The following SERGEF variants were observed in gnomAD, a reference collection of about 807,000 sequenced individuals.
The protein encoded by SERGEF is secretion regulating guanine nucleotide exchange factor.
In SERGEF, 51 loss-of-function variants were observed where a neutral mutation model predicts 50.0. That is an observed-to-expected ratio of 1.02 (90% CI 0.81 to 1.29). SERGEF has a LOEUF of 1.29. Among genes scored for constraint, SERGEF ranks in the 50% most tolerant of loss-of-function variants. SERGEF has a pLI of 0.00. For synonymous variants in SERGEF, 205 were observed against 212.4 expected (o/e 0.97, Z 0.30); for missense variants, 521 against 557.0 (o/e 0.94, Z 0.65).
chr11:17,792,738 A>G (rs1202964205), intron 10 of SERGEF, among the ~76,000 whole-genome samples: 2 of 152,226 alleles, frequency 1.3e-5, no homozygotes, highest in African/African-American at 4.8e-5. Context: ...TTTAGAGAGA[A>G]TAAAACAGAG....
chr11:17,936,861 T>C (rs1305273332), intron 9 of SERGEF, among the ~76,000 whole-genome samples: 1 of 152,230 alleles, frequency 6.6e-6, no homozygotes, highest in African/African-American at 2.4e-5. Context: ...TAATAATTCT[T>C]GCCATCCTAA....
At position 17,916,337 on chromosome 11, in the gene SERGEF, A is replaced by G. The variant is rs77133164; in HGVS notation, c.1012-38093T>C. 4.4e-3 allele frequency among the ~76,000 whole-genome samples: 667 copies of G among 152,322 alleles called. 9 individuals are homozygous for G. Among genetic ancestry groups the G allele is most frequent in the East Asian group, 0.041 (212 of 5,176 alleles). Reference sequence around the variant, plus strand: ...GAAAATTTGGCTGAGTGCAGCTTTCAGTGTCAAATTTATTATCATTATTAT... The same window carrying G: ...GAAAATTTGGCTGAGTGCAGCTTTCGGTGTCAAATTTATTATCATTATTAT... On this transcript the variant is annotated intron_variant, in intron 9 of 10. Coordinates refer to ENST00000265965, the MANE Select transcript of SERGEF (RefSeq NM_012139.4).
At chr11:17,973,191 T>C (rs1328447774) in intron 8 of SERGEF, among the ~76,000 whole-genome samples, 1 of 152,110 alleles carries the variant, frequency 6.6e-6, no homozygotes, top group East Asian at 1.9e-4. Context: ...AGGAGCTGCT[T>C]GAGTTCCCTT....
At chr11:17,946,797 G>A (rs570916611) in intron 9 of SERGEF, among the ~76,000 whole-genome samples, 6 of 152,122 alleles carry the variant, frequency 3.9e-5, no homozygotes, top group Non-Finnish European at 8.8e-5. Flanking sequence ...TGAGACTACT[G>A]GAGGAGTCAG....
intron 9 of SERGEF, among the ~76,000 whole-genome samples, chr11:17,952,564 ATC>A (rs1407930967): frequency 1.3e-5 from 2 of 151,568 alleles, no homozygotes; most frequent in African/African-American, 2.4e-5. Flanking sequence ...CTCTCTCTAA[ATC>A]TCTCTTTCAG....
At chr11:17,821,918 A>G (rs561541209) in intron 10 of SERGEF, among the ~76,000 whole-genome samples, 2 of 152,220 alleles carry the variant, frequency 1.3e-5, no homozygotes, top group East Asian at 3.9e-4. Flanking sequence ...CCTTCCACAT[A>G]TTTCAGCACT....
chr11:18,000,129 C>T (rs947582220), intron 5 of SERGEF, among the ~76,000 whole-genome samples: 1 of 152,152 alleles, frequency 6.6e-6, no homozygotes, highest in Non-Finnish European at 1.5e-5. Context: ...AGTTAAGTTT[C>T]CTCTTATTAC....
rs1158309463 is a variant in SERGEF at position 17,888,225 on chromosome 11, G to A, written c.1012-9981C>T. The stretch of plus-strand genomic sequence containing the variant: ...GACTGCTGCTTTACAGCAGTGGGGG[G>A]AAATATTGATATTCACAACATAAGT... On this transcript the variant is annotated intron_variant, in intron 9 of 10. Transcript: ENST00000265965. This position sits in a 1 kb window ranked among gnomAD's most constrained non-coding sequence, Gnocchi z 4.1. 6.6e-6 allele frequency among the ~76,000 whole-genome samples: 1 copy of A among 152,110 alleles called. No homozygotes were observed. The highest frequency in any genetic ancestry group is 1.9e-4 in the East Asian group (1 of 5,192).
At chr11:17,851,911 T>C (rs2133873066) in intron 10 of SERGEF, among the ~76,000 whole-genome samples, 1 of 152,318 alleles carries the variant, frequency 6.6e-6, no homozygotes, top group East Asian at 1.9e-4. Flanking sequence ...AGAACCCACA[T>C]TTTGAAATCT....
At chr11:18,007,073 G>A (rs914774701) in intron 2 of SERGEF, among the ~76,000 whole-genome samples, 3 of 152,178 alleles carry the variant, frequency 2.0e-5, no homozygotes, top group Non-Finnish European at 4.4e-5. Flanking sequence ...TGTGCAGAGC[G>A]GACTTATCCT....
At chr11:17,830,057 G>C (rs1052868232) in intron 10 of SERGEF, among the ~76,000 whole-genome samples, 1 of 152,214 alleles carries the variant, frequency 6.6e-6, no homozygotes, top group Non-Finnish European at 1.5e-5. Flanking sequence ...CACCTTTCCT[G>C]ACAGGCTCAG....
chr11:17,814,547 G>C (rs1272466002), intron 10 of SERGEF, among the ~76,000 whole-genome samples: 1 of 152,142 alleles, frequency 6.6e-6, no homozygotes, highest in Non-Finnish European at 1.5e-5. Context: ...GCTTCTCTGG[G>C]GAACCCTGAT....
chr11:17,934,002 T>A (rs577564550), intron 9 of SERGEF, among the ~76,000 whole-genome samples: 1 of 152,284 alleles, frequency 6.6e-6, no homozygotes, highest in African/African-American at 2.4e-5. Context: ...ATCTCTATGT[T>A]CATACTTCTC....
intron 5 of SERGEF, among the ~76,000 whole-genome samples, chr11:17,998,120 A>T (rs1200442412): frequency 1.3e-5 from 2 of 152,060 alleles, no homozygotes; most frequent in East Asian, 3.9e-4. Flanking sequence ...CAATATGTAG[A>T]CCTCATTCAG....
At chr11:17,957,078 G>A (rs572238185) in intron 9 of SERGEF, among the ~76,000 whole-genome samples, 2 of 152,146 alleles carry the variant, frequency 1.3e-5, no homozygotes, top group Non-Finnish European at 2.9e-5. Context: ...AGATCAGAGC[G>A]TCTACACTCC....
In SERGEF at chr11:18,004,434, T is replaced by A. The variant is rs372140742; in HGVS notation, c.447+7A>T. On this transcript the variant is annotated splice_region_variant and intron_variant, in intron 4 of 10. Coordinates refer to ENST00000265965, the MANE Select transcript of SERGEF (RefSeq NM_012139.4). ...TCATGGGCAAGCTAAATATTAACTG[T>A]CCTCACCTCAATGGCCTGGGGAACC... The A allele has an allele frequency of 5.0e-6, 8 of 1,606,102 alleles. No homozygotes were observed. Among genetic ancestry groups the A allele is most frequent in the African/African-American group, 1.3e-5 (1 of 74,752 alleles).
At chr11:17,861,466 C>T (rs901882278) in intron 10 of SERGEF, among the ~76,000 whole-genome samples, 2 of 152,254 alleles carry the variant, frequency 1.3e-5, no homozygotes, top group Non-Finnish European at 2.9e-5. Flanking sequence ...CTACATTATG[C>T]TGCTTGGGGC....
At chr11:17,994,799 C>T (rs745378537) in intron 6 of SERGEF, among the ~76,000 whole-genome samples, 2 of 152,110 alleles carry the variant, frequency 1.3e-5, no homozygotes, top group Non-Finnish European at 2.9e-5. Context: ...AAAGAGAACA[C>T]CTCCAGGACT....
intron 9 of SERGEF, among the ~76,000 whole-genome samples, chr11:17,931,834 T>A (rs1203945702): frequency 6.6e-6 from 1 of 152,128 alleles, no homozygotes; most frequent in Non-Finnish European, 1.5e-5. Flanking sequence ...ACCTACTGAA[T>A]CAGAAACTCT....
Sources: gnomAD v4.1 joint callset for allele counts (sites outside exome capture counted in the v4.1 genomes callset) on GRCh38, gnomAD v4.1.1 for gene constraint, Gnocchi (gnomAD v3.1) non-coding constraint, MANE v1.5 for transcripts, NCBI Gene and HGNC (gene_info 2026-07-23, HGNC 2026-07-21) for gene names.